Variants in KLF12 observed in about 807,000 individuals in gnomAD.
KLF12 encodes KLF transcription factor 12, also known as Krueppel-like factor 12.
A neutral mutation model predicts 37.8 loss-of-function variants in KLF12; 9 were observed. That is an observed-to-expected ratio of 0.24 (90% CI 0.14 to 0.42). The LOEUF (loss-of-function observed/expected upper bound fraction) is 0.42, where lower values mean the gene tolerates loss of function less well. KLF12 is among the 10% of genes least tolerant of loss of function. The pLI, the probability that KLF12 is intolerant of heterozygous loss-of-function variation, is 1.00. For synonymous variants in KLF12, 208 were observed against 202.1 expected, an observed-to-expected ratio of 1.03 and a Z score of -0.25; for missense variants, 411 against 516.0, an observed-to-expected ratio of 0.80 and a Z score of 1.97.
chr13:73,791,875 T>A (rs1881706234), intron 5 of KLF12, among the ~76,000 whole-genome samples: 1 of 152,212 alleles, frequency 6.6e-6, no homozygotes, highest in African/African-American at 2.4e-5. Context: ...ATCTAGTTCA[T>A]CGGCATCATG....
intron 1 of KLF12, among the ~76,000 whole-genome samples, chr13:74,066,404 A>G (rs1873918950): frequency 6.6e-6 from 1 of 152,160 alleles, no homozygotes; most frequent in Non-Finnish European, 1.5e-5. Context: ...ACTCAGGCCT[A>G]TAATCCCAAC....
At chr13:73,888,624 A>G (rs1231513246) in intron 3 of KLF12, among the ~76,000 whole-genome samples, 1 of 152,176 alleles carries the variant, frequency 6.6e-6, no homozygotes, top group Admixed American at 6.5e-5. Flanking sequence ...GTAATCATCC[A>G]AAAAAATAAG....
chr13:73,899,270 G>A (rs1333385304), intron 3 of KLF12, among the ~76,000 whole-genome samples: 3 of 152,156 alleles, frequency 2.0e-5, no homozygotes, highest in South Asian at 2.1e-4. Flanking sequence ...CAGCAAGAAC[G>A]AGACCAAGCC....
chr13:73,983,415 G>T (rs917685620), intron 2 of KLF12, among the ~76,000 whole-genome samples: 1 of 152,092 alleles, frequency 6.6e-6, no homozygotes, highest in African/African-American at 2.4e-5. Flanking sequence ...CTTCTGGTTC[G>T]TGAACCTCTG....
intron 3 of KLF12, among the ~76,000 whole-genome samples, chr13:73,942,387 C>G (rs1890227847): frequency 2.0e-5 from 3 of 151,984 alleles, no homozygotes; most frequent in Non-Finnish European, 4.4e-5. Flanking sequence ...AATGAGACGC[C>G]AGGCTCTATA....
At chr13:74,257,770 G>A in the KLF12 span, 1 of 152,164 alleles carries the variant, frequency 6.6e-6, no homozygotes, top group African/African-American at 2.4e-5. Context: ...GTTAACATTT[G>A]CCAACCTCTG....
chr13:73,965,544 G>C (rs531693229), intron 2 of KLF12, among the ~76,000 whole-genome samples: 1 of 152,208 alleles, frequency 6.6e-6, no homozygotes, highest in East Asian at 1.9e-4. Flanking sequence ...CAAAGATCTT[G>C]CGCTTGTATC....
chr13:74,105,540 A>T (rs1209237200), intron 1 of KLF12, among the ~76,000 whole-genome samples: 1 of 152,130 alleles, frequency 6.6e-6, no homozygotes, highest in Non-Finnish European at 1.5e-5. Flanking sequence ...AATCCTGAAA[A>T]GGTAAGCAAG....
At position 74,133,328 on chromosome 13, in the gene KLF12, C is replaced by A. The variant is rs145422846; in HGVS notation, c.-32+411G>T. On this transcript the variant is annotated intron_variant, in intron 1 of 7. Coordinates refer to ENST00000377669, the MANE Select transcript of KLF12 (RefSeq NM_007249.5). ...CTACTTCCACGAGCCCCCCCTCCCCCCCAAGTTCAGCCCTGGGGTTTTATT... is the reference window on the plus strand; with the variant it reads ...CTACTTCCACGAGCCCCCCCTCCCCACCAAGTTCAGCCCTGGGGTTTTATT... Among the ~76,000 whole-genome samples, 511 of 152,020 alleles carry A rather than the reference C, an allele frequency of 3.4e-3. 1 individual carries two copies. Among genetic ancestry groups the A allele is most frequent in the Non-Finnish European group, 4.6e-3 (311 of 67,942 alleles).
rs778874606 is a variant in KLF12 at position 73,813,205 on chromosome 13, A to G, written c.753T>C (p.Asp251=). 1.9e-5 allele frequency: 30 copies of G among 1,613,912 alleles called. No homozygotes were observed. Among genetic ancestry groups the G allele is most frequent in the Non-Finnish European group, 2.1e-5 (25 of 1,179,958 alleles). The change falls in exon 5 of 8, where the codon GAT becomes GAC. Residue 251 remains aspartate, a synonymous_variant. Transcript: ENST00000377669. ...CCGTAGATCCAGTTTCATTAACGCT[A>G]TCTAAGGTCACATTTGGCAGGTCAT... is the stretch of plus-strand genomic sequence containing the variant.
chr13:73,872,392 T>C (rs1270973284), intron 3 of KLF12, among the ~76,000 whole-genome samples: 1 of 152,182 alleles, frequency 6.6e-6, no homozygotes, highest in Non-Finnish European at 1.5e-5. Flanking sequence ...GTATTTTGAA[T>C]GCTCAGGATT....
At chr13:73,776,684 G>A (rs1425482086) in intron 5 of KLF12, among the ~76,000 whole-genome samples, 1 of 152,194 alleles carries the variant, frequency 6.6e-6, no homozygotes, top group East Asian at 1.9e-4. Context: ...ACAAGCCAAA[G>A]AGGGTACAGA....
chr13:74,089,807 A>G (rs1875544908), intron 1 of KLF12, among the ~76,000 whole-genome samples: 1 of 107,848 alleles, frequency 9.3e-6, no homozygotes, highest in Non-Finnish European at 2.4e-5. Flanking sequence ...CAGGGGGAAA[A>G]AAAAAAAAAA....
chr13:74,241,836 C>G, the KLF12 span, among the ~76,000 whole-genome samples: 1 of 152,172 alleles, frequency 6.6e-6, no homozygotes, highest in Non-Finnish European at 1.5e-5. Flanking sequence ...TGACCTGCGC[C>G]CACTGTCTGG....
At position 73,914,033 on chromosome 13, in the gene KLF12, C is replaced by T. The variant is rs149286537; in HGVS notation, c.123+29948G>A. On this transcript the variant is annotated intron_variant, in intron 3 of 7. Coordinates refer to ENST00000377669, the MANE Select transcript of KLF12 (RefSeq NM_007249.5). ...ATTTTTAATCTTTGCTGGTCGCTGG[C>T]CAGCCCAGCTCTGAGTCTTTAAGCT... is the stretch of plus-strand genomic sequence containing the variant. 7.3e-4 allele frequency among the ~76,000 whole-genome samples: 111 copies of T among 152,298 alleles called. 1 individual carries two copies. The East Asian group carries it at 0.019, about 27-fold the overall frequency.
At chr13:73,848,144 T>C (rs535059702) in intron 3 of KLF12, among the ~76,000 whole-genome samples, 11 of 152,212 alleles carry the variant, frequency 7.2e-5, no homozygotes, top group Non-Finnish European at 2.9e-5. Context: ...CAAAAATTCT[T>C]ATTTTAGAGA....
In KLF12 at chr13:73,690,282, T is replaced by C. The variant is rs1873742707; in HGVS notation, c.*5208A>G. On this transcript the variant is annotated 3_prime_UTR_variant, in exon 8 of 8. Transcript: ENST00000377669. ...ATTTCTGAAAATGGGCATTAGCTTATTCCTATTGCGAGTATAGATTCCTTT... is the reference window on the plus strand; with the variant it reads ...ATTTCTGAAAATGGGCATTAGCTTACTCCTATTGCGAGTATAGATTCCTTT... 6.6e-6 allele frequency: 1 copy of C among 152,634 alleles called. No individual in the cohort carries two copies. The highest frequency in any genetic ancestry group is 1.5e-5 in the Non-Finnish European group (1 of 68,034). 9.5% of individuals were successfully genotyped at this position (152,634 alleles called of 1,614,324 possible). A position where few individuals can be genotyped will look rare whatever the true frequency, so the allele number is the denominator to read the frequency against.
chr13:73,991,040 A>G (rs1377954867), intron 2 of KLF12, among the ~76,000 whole-genome samples: 2 of 152,166 alleles, frequency 1.3e-5, no homozygotes, highest in East Asian at 1.9e-4. Context: ...CTCTCCTTCA[A>G]TAATTCCATA....
intron 1 of KLF12, among the ~76,000 whole-genome samples, chr13:74,103,307 C>T (rs980240664): frequency 4.6e-5 from 7 of 152,172 alleles, no homozygotes; most frequent in Non-Finnish European, 8.8e-5. Context: ...ATAGGAGTAT[C>T]CTTGTAGCTG....
Sources: gnomAD v4.1 joint callset for allele counts (sites outside exome capture counted in the v4.1 genomes callset) on GRCh38, gnomAD v4.1.1 for gene constraint, MANE v1.5 for transcripts, NCBI Gene and HGNC (gene_info 2026-07-23, HGNC 2026-07-21) for gene names.